The following PHTF2 variants were observed in gnomAD, a reference collection of about 807,000 sequenced individuals.
PHTF2 encodes the protein protein PHTF2.
PHTF2 carries 60 observed loss-of-function variants against 101.2 expected under a neutral mutation model. That is an observed-to-expected ratio of 0.59 (90% CI 0.48 to 0.73). The LOEUF is 0.73. Among genes scored for constraint, PHTF2 ranks in the 30% least tolerant of loss-of-function variants. The pLI, the probability that PHTF2 is intolerant of heterozygous loss-of-function variation, is 0.00. For synonymous variants in PHTF2, 311 were observed against 307.3 expected, an observed-to-expected ratio of 1.01 and a Z score of -0.13; for missense variants, 747 against 908.7, an observed-to-expected ratio of 0.82 and a Z score of 2.29.
chr7:77,934,169 T>A (rs1312278400), intron 12 of PHTF2, among the ~76,000 whole-genome samples: 1 of 152,246 alleles, frequency 6.6e-6, no homozygotes, highest in Non-Finnish European at 1.5e-5. Context: ...TTTTTCTGTC[T>A]GCTATACAGA....
intron 11 of PHTF2, among the ~76,000 whole-genome samples, chr7:77,926,239 G>A (rs1169884148): frequency 6.6e-6 from 1 of 152,088 alleles, no homozygotes; most frequent in African/African-American, 2.4e-5. Flanking sequence ...TTTATCACAA[G>A]TTTTAAATTA....
intron 3 of PHTF2, among the ~76,000 whole-genome samples, chr7:77,860,394 A>G (rs146668525): frequency 6.6e-6 from 1 of 152,348 alleles, no homozygotes; most frequent in East Asian, 1.9e-4. Flanking sequence ...CTAATTATAC[A>G]CAACAATTTA....
intron 7 of PHTF2, among the ~76,000 whole-genome samples, chr7:77,902,169 A>G (rs913908829): frequency 6.6e-6 from 1 of 152,212 alleles, no homozygotes; most frequent in Non-Finnish European, 1.5e-5. Context: ...TTTTAAAATT[A>G]GAAAAAAAAC....
At chr7:77,811,738 A>G (rs6980062) in intron 1 of PHTF2, among the ~76,000 whole-genome samples, 2,982 of 152,272 alleles carry the variant, frequency 0.02, 83 homozygotes, top group African/African-American at 0.067. Flanking sequence ...GCCCTAGCAT[A>G]AGACATTTCT....
chr7:77,806,192 G>C (rs1219403289), intron 1 of PHTF2, among the ~76,000 whole-genome samples: 4 of 150,722 alleles, frequency 2.7e-5, no homozygotes, highest in Non-Finnish European at 4.4e-5. Context: ...AAGTCAAGTT[G>C]GTTGATAGAA....
intron 1 of PHTF2, among the ~76,000 whole-genome samples, chr7:77,829,929 T>A (rs1440993185): frequency 6.6e-6 from 1 of 152,224 alleles, no homozygotes; most frequent in Non-Finnish European, 1.5e-5. Flanking sequence ...CCCTTTAATG[T>A]TATGAAAAAG....
At chr7:77,834,241 A>G (rs955785019) in intron 1 of PHTF2, among the ~76,000 whole-genome samples, 1 of 150,964 alleles carries the variant, frequency 6.6e-6, no homozygotes, top group Non-Finnish European at 1.5e-5. Flanking sequence ...TTGAGCTGGG[A>G]AGTCGAAGCT....
intron 16 of PHTF2, among the ~76,000 whole-genome samples, chr7:77,945,718 T>G (rs1315791649): frequency 6.6e-6 from 1 of 152,180 alleles, no homozygotes; most frequent in East Asian, 1.9e-4. Flanking sequence ...TCATTAAAGT[T>G]GAAGGCATCA....
At chr7:77,900,973 A>T (rs1456186631) in intron 6 of PHTF2, among the ~76,000 whole-genome samples, 193 bp downstream of exon 5, 1 of 152,234 alleles carries the variant, frequency 6.6e-6, no homozygotes, top group Non-Finnish European at 1.5e-5. Flanking sequence ...CAGCACCAGC[A>T]CCTGCTTCTG....
chr7:77,945,887 T>C (rs1226981521), intron 16 of PHTF2, among the ~76,000 whole-genome samples: 1 of 152,146 alleles, frequency 6.6e-6, no homozygotes, highest in African/African-American at 2.4e-5. Context: ...ACAGATGAAT[T>C]TTGTCAAATA....
chr7:77,933,954 A>G (rs1473956876), intron 12 of PHTF2, among the ~76,000 whole-genome samples: 1 of 152,160 alleles, frequency 6.6e-6, no homozygotes, highest in Non-Finnish European at 1.5e-5. Context: ...TACTCTGTAT[A>G]TCTAATTATG....
intron 3 of PHTF2, chr7:77,854,853 G>T: frequency 1.3e-6 from 1 of 753,008 alleles, no homozygotes. Context: ...TGCCAGGCCT[G>T]TTCTCTCTGT....
chr7:77,891,269 G>A (rs1800378481), intron 3 of PHTF2, among the ~76,000 whole-genome samples: 1 of 152,162 alleles, frequency 6.6e-6, no homozygotes, highest in Non-Finnish European at 1.5e-5. Context: ...TTTAAGCCCA[G>A]TTATTCTGAA....
chr7:77,906,753 A>G (rs930712670), intron 7 of PHTF2, among the ~76,000 whole-genome samples: 40 of 152,092 alleles, frequency 2.6e-4, no homozygotes, highest in African/African-American at 9.4e-4. Context: ...CTAAAAATAC[A>G]AAAAATTAGC....
chr7:77,923,017 T>C (rs1803629023), intron 11 of PHTF2: 1 of 1,162,048 alleles, frequency 8.6e-7, no homozygotes, highest in African/African-American at 1.6e-5. Flanking sequence ...GACTCATACA[T>C]TGTTTGTTGT....
chr7:77,915,454 G>A (rs1452002334), intron 9 of PHTF2, among the ~76,000 whole-genome samples: 3 of 151,692 alleles, frequency 2.0e-5, no homozygotes, highest in South Asian at 2.1e-4. Flanking sequence ...CTCACGATCC[G>A]CCCACCTCGT....
chr7:77,811,325 G>A (rs1218916273), intron 1 of PHTF2, among the ~76,000 whole-genome samples: 4 of 152,176 alleles, frequency 2.6e-5, no homozygotes, highest in Non-Finnish European at 5.9e-5. Context: ...TTATAATTTA[G>A]TTAAGGAGGT....
At chr7:77,890,667 G>A (rs540046693) in intron 3 of PHTF2, among the ~76,000 whole-genome samples, 89 of 142,252 alleles carry the variant, frequency 6.3e-4, no homozygotes, top group Middle Eastern at 3.7e-3. Context: ...GTGCAGTGGC[G>A]CAATCTCGGC....
At chr7:77,815,439 A>T (rs1336296870) in intron 1 of PHTF2, among the ~76,000 whole-genome samples, 1 of 152,230 alleles carries the variant, frequency 6.6e-6, no homozygotes, top group Non-Finnish European at 1.5e-5. Flanking sequence ...TGAAGCTATA[A>T]CTATTTGGAA....
Sources: gnomAD v4.1 joint callset for allele counts (sites outside exome capture counted in the v4.1 genomes callset) on GRCh38, gnomAD v4.1.1 for gene constraint, MANE v1.5 for transcripts, NCBI Gene and HGNC (gene_info 2026-07-23, HGNC 2026-07-21) for gene names.